The following TSPAN9 variants were observed in gnomAD, a reference collection of about 807,000 sequenced individuals.
The protein encoded by TSPAN9 is tetraspanin 9.
Under a neutral mutation model 31.0 loss-of-function variants are expected in TSPAN9, and 16 were observed. That is an observed-to-expected ratio of 0.52 (90% confidence interval 0.35 to 0.78). The LOEUF (loss-of-function observed/expected upper bound fraction) is 0.78. TSPAN9 is among the 30% of genes least tolerant of loss of function. The probability of loss-of-function intolerance (pLI) is 0.01; values close to 1 mark genes in which losing one functional copy is unlikely to be tolerated. For missense variants in TSPAN9, 272 were observed against 312.5 expected, an observed-to-expected ratio of 0.87 and a Z score of 0.98; for synonymous variants, 145 against 121.6, an observed-to-expected ratio of 1.19 and a Z score of -1.27.
At chr12:3,109,297 T>TGAGAGA (rs1392219043) in intron 2 of TSPAN9, among the ~76,000 whole-genome samples, 2 of 112,256 alleles carry the variant, frequency 1.8e-5, no homozygotes, top group African/African-American at 8.8e-5. Flanking sequence ...TGTGTGTGTG[T>TGAGAGA]GTGAGAGAGA....
intron 2 of TSPAN9, among the ~76,000 whole-genome samples, chr12:3,162,054 G>A (rs756610436): frequency 7.2e-5 from 11 of 152,190 alleles, no homozygotes; most frequent in African/African-American, 2.2e-4. Flanking sequence ...TCATGAGGAC[G>A]GATCCCTCAT....
At chr12:3,101,943 C>T (rs918098730) in intron 2 of TSPAN9, among the ~76,000 whole-genome samples, 1 of 152,188 alleles carries the variant, frequency 6.6e-6, no homozygotes, top group Non-Finnish European at 1.5e-5. Flanking sequence ...GCTCCTTTCT[C>T]TGGGTCTCAT....
intron 3 of TSPAN9, among the ~76,000 whole-genome samples, chr12:3,242,867 G>A (rs550677852): frequency 1.5e-4 from 23 of 152,330 alleles, no homozygotes; most frequent in Admixed American, 8.5e-4. Context: ...GCCAGGCATC[G>A]TGTTTCCCTC....
intron 2 of TSPAN9, among the ~76,000 whole-genome samples, chr12:3,095,640 C>CA (rs1348933933): frequency 7.0e-6 from 1 of 142,322 alleles, no homozygotes; most frequent in Non-Finnish European, 1.6e-5. Context: ...TGACCCCCCC[C>CA]ACCTCCCTCC....
At chr12:3,095,449 G>A (rs2098307690) in intron 2 of TSPAN9, among the ~76,000 whole-genome samples, 1 of 145,668 alleles carries the variant, frequency 6.9e-6, no homozygotes, top group Non-Finnish European at 1.5e-5. Flanking sequence ...AGGGGCGGCC[G>A]GGCAGAGGCG....
At chr12:3,198,159 GCCACCACCAGCACAGC>G (rs1332891630) in intron 2 of TSPAN9, among the ~76,000 whole-genome samples, 1,340 of 56,798 alleles carry the variant, frequency 0.024, no homozygotes, top group Non-Finnish European at 0.031. Flanking sequence ...ACCAGCACAG[GCCACCACCAGCACAGC>G]TCACCACCAG....
chr12:3,134,280 C>A (rs1243434873), intron 2 of TSPAN9, among the ~76,000 whole-genome samples: 1 of 152,214 alleles, frequency 6.6e-6, no homozygotes, highest in African/African-American at 2.4e-5. Context: ...ACTTTCTCCT[C>A]TCCGAAGATG....
chr12:3,262,011 C>CA (rs1465179518), intron 3 of TSPAN9, among the ~76,000 whole-genome samples: 1 of 152,242 alleles, frequency 6.6e-6, no homozygotes, highest in African/African-American at 2.4e-5. Flanking sequence ...CAACAGAGGT[C>CA]AGAGTTTCCT....
intron 3 of TSPAN9, among the ~76,000 whole-genome samples, 156 bp downstream of exon 3, chr12:3,201,412 T>C (rs992316399): frequency 2.0e-5 from 3 of 151,978 alleles, no homozygotes; most frequent in African/African-American, 7.3e-5. Context: ...CCCCCTTTCA[T>C]GCACCTTTGT....
intron 3 of TSPAN9, among the ~76,000 whole-genome samples, chr12:3,226,794 A>ATTTTTTTTTTTTTT (rs1203426057): frequency 6.1e-5 from 1 of 16,398 alleles, no homozygotes; most frequent in African/African-American, 2.5e-4. Flanking sequence ...ATATATATAT[A>ATTTTTTTTTTTTTT]TTTTTTTTTT....
In TSPAN9 at chr12:3,284,213, T is replaced by TC. The variant is rs1433597659; in HGVS notation, c.*1098dup. The TC allele has an allele frequency of 6.5e-6, 1 of 152,686 alleles. No homozygotes were observed. The highest frequency in any genetic ancestry group is 1.9e-4 in the East Asian group (1 of 5,184). 9.5% of individuals were successfully genotyped at this position (152,686 alleles called of 1,614,324 possible). On this transcript the variant is annotated 3_prime_UTR_variant, in exon 9 of 9. Transcript: ENST00000011898. ...TCACAGACATTCCTGCTAGAAACTG[T>TC]CAGACAAATACCTCTCTAGTTCGGA...
intron 2 of TSPAN9, among the ~76,000 whole-genome samples, chr12:3,171,444 A>T (rs186317228): frequency 2.0e-5 from 3 of 152,162 alleles, no homozygotes. Context: ...AACCTTGAGG[A>T]TCCCTTAACC....
At chr12:3,209,435 G>A (rs888493598) in intron 3 of TSPAN9, among the ~76,000 whole-genome samples, 8 of 152,042 alleles carry the variant, frequency 5.3e-5, no homozygotes, top group African/African-American at 1.2e-4. Flanking sequence ...AAACATTCTC[G>A]TATAAGTCTT....
intron 2 of TSPAN9, among the ~76,000 whole-genome samples, chr12:3,137,837 G>A (rs1025398428): frequency 1.3e-5 from 2 of 152,076 alleles, no homozygotes; most frequent in South Asian, 2.1e-4. Context: ...CTTGTCACAC[G>A]GATTTCTGCA....
intron 3 of TSPAN9, among the ~76,000 whole-genome samples, chr12:3,258,159 A>C (rs1862383812): frequency 6.6e-6 from 1 of 152,058 alleles, no homozygotes; most frequent in Admixed American, 6.5e-5. Context: ...TTGCAGGAAG[A>C]ATGATTGAGG....
At chr12:3,253,092 G>T (rs1263633875) in intron 3 of TSPAN9, among the ~76,000 whole-genome samples, 1 of 152,096 alleles carries the variant, frequency 6.6e-6, no homozygotes, top group South Asian at 2.1e-4. Context: ...CCACCTCTCA[G>T]AAGTGCTCCT....
intron 3 of TSPAN9, among the ~76,000 whole-genome samples, chr12:3,248,494 C>A (rs1565631241): frequency 6.6e-6 from 1 of 152,292 alleles, no homozygotes; most frequent in East Asian, 1.9e-4. Flanking sequence ...TTCTCTCTTT[C>A]CTTGACAAAC....
At chr12:3,222,049 C>T (rs73043523) in intron 3 of TSPAN9, among the ~76,000 whole-genome samples, 2,206 of 152,334 alleles carry the variant, frequency 0.014, 14 homozygotes, top group East Asian at 0.026. Context: ...GGAAAGAAAG[C>T]GGCCAGCTAC....
At chr12:3,198,003 C>T (rs1460598431) in intron 2 of TSPAN9, among the ~76,000 whole-genome samples, 1 of 9,738 alleles carries the variant, frequency 1.0e-4, no homozygotes. Context: ...TCAGCACAGG[C>T]CACCACCAGC....
Sources: gnomAD v4.1 joint callset for allele counts (sites outside exome capture counted in the v4.1 genomes callset) on GRCh38, gnomAD v4.1.1 for gene constraint, MANE v1.5 for transcripts, NCBI Gene and HGNC (gene_info 2026-07-23, HGNC 2026-07-21) for gene names.